WDR25: variants seen among roughly 807,000 people sequenced by gnomAD.
WDR25 encodes the protein WD repeat-containing protein 25.
WDR25 carries 35 observed loss-of-function variants against 47.7 expected under a neutral mutation model. The observed-to-expected ratio is 0.73, with a 90% CI of 0.56 to 0.97. WDR25 has a LOEUF of 0.97. WDR25 is among the 50% of genes least tolerant of loss of function. The probability of loss-of-function intolerance (pLI) is 0.00; values close to 1 mark genes in which losing one functional copy is unlikely to be tolerated. For missense variants in WDR25, 634 were observed against 704.7 expected (o/e 0.90, Z 1.14); for synonymous variants, 248 against 278.9 (o/e 0.89, Z 1.10).
chr14:100,468,172 C>A lies in WDR25; in HGVS notation c.970+4C>A. On this transcript the variant is annotated splice_donor_region_variant and intron_variant, in intron 3 of 6. Transcript: ENST00000402312. The surrounding 1 kb of genome is among the most constrained non-coding windows in gnomAD (Gnocchi z 4.5). Reference sequence around the variant, plus strand: ...CACCTAACAGACCTTGAAACAGGTGCGTTTCTTGTGTCACCTCCCTGAGGT... The same window carrying A: ...CACCTAACAGACCTTGAAACAGGTGAGTTTCTTGTGTCACCTCCCTGAGGT... 1 of 1,610,030 alleles carries A rather than the reference C, an allele frequency of 6.2e-7. No individual in the cohort carries two copies. Among genetic ancestry groups the A allele is most frequent in the South Asian group, 1.1e-5 (1 of 90,826 alleles).
At position 100,381,153 on chromosome 14, in the gene WDR25, C is replaced by T. The variant is rs932959654; in HGVS notation, c.229C>T (p.Arg77Cys). The T allele has an allele frequency of 1.5e-5, 25 of 1,614,100 alleles. No individual in the cohort carries two copies. Among genetic ancestry groups the T allele is most frequent in the South Asian group, 3.3e-5 (3 of 91,092 alleles). ...HGSCEDPGGY[R>C]LPLAQLGRSD... is the part of the protein sequence containing the mutation. ...CTCCTGTGAAGACCCAGGGGGCTATCGCCTTCCATTGGCTCAGCTTGGGAG... is the reference window on the plus strand; with the variant it reads ...CTCCTGTGAAGACCCAGGGGGCTATTGCCTTCCATTGGCTCAGCTTGGGAG... Residue 77 changes from arginine (R) to cysteine (C), a missense_variant, in exon 2 of 7, where the codon CGC (arginine) becomes TGC (cysteine). By Grantham distance (180) the Arg-to-Cys change is radical. Transcript: ENST00000402312.
intron 2 of WDR25, among the ~76,000 whole-genome samples, chr14:100,419,407 C>T (rs1180385677): frequency 6.6e-6 from 1 of 151,978 alleles, no homozygotes; most frequent in Non-Finnish European, 1.5e-5. Flanking sequence ...TGTTGGAAAA[C>T]AGAAAAGGCT....
At chr14:100,427,277 C>T (rs1898196234) in intron 2 of WDR25, among the ~76,000 whole-genome samples, 1 of 152,138 alleles carries the variant, frequency 6.6e-6, no homozygotes, top group African/African-American at 2.4e-5. Flanking sequence ...GCCCTCCATG[C>T]CCCCCAGCTG....
At chr14:100,389,694 C>T (rs966056416) in intron 2 of WDR25, among the ~76,000 whole-genome samples, 7 of 152,216 alleles carry the variant, frequency 4.6e-5, no homozygotes, top group African/African-American at 7.2e-5. Context: ...TGATCTTCTA[C>T]GTGGAATACT....
Position 100,468,297 on chromosome 14 carries a change from T to G in WDR25, c.970+129T>G, listed in dbSNP as rs866576236. The G allele has an allele frequency of 1.8e-5, 24 of 1,369,712 alleles. No individual in the cohort carries two copies. The highest frequency in any genetic ancestry group is 4.9e-4 in the Middle Eastern group (2 of 4,062). The allele number at this position is 1,369,712 out of a possible 1,614,324, so 84.8% of individuals were successfully genotyped here. On this transcript the variant is annotated intron_variant, in intron 3 of 6. Transcript: ENST00000402312. The surrounding 1 kb of genome is among the most constrained non-coding windows in gnomAD (Gnocchi z 4.5). ...GAGGGAGAGGGGCCTCAGGGTGGGCTCGTGCTCGGTGAGAGGGCTTCCAGA... is the reference window on the plus strand; with the variant it reads ...GAGGGAGAGGGGCCTCAGGGTGGGCGCGTGCTCGGTGAGAGGGCTTCCAGA...
Position 100,530,167 on chromosome 14 carries a change from G to A in WDR25, c.*126G>A, listed in dbSNP as rs2030422187. Reference sequence around the variant, plus strand: ...CCTGGGTACCACCTTCTGAGCCTCAGTTTCCTCATCTGTAAAGTGGGGAGA... The same window carrying A: ...CCTGGGTACCACCTTCTGAGCCTCAATTTCCTCATCTGTAAAGTGGGGAGA... On this transcript the variant is annotated 3_prime_UTR_variant, in exon 7 of 7. Transcript: ENST00000402312. The A allele has an allele frequency of 1.1e-6, 1 of 945,700 alleles. No homozygotes were observed. Among genetic ancestry groups the A allele is most frequent in the Non-Finnish European group, 1.6e-6 (1 of 642,380 alleles). 58.6% of individuals were successfully genotyped at this position (945,700 alleles called of 1,614,324 possible). A position where few individuals can be genotyped will look rare whatever the true frequency, so the allele number is the denominator to read the frequency against.
chr14:100,465,032 T>C (rs1393423239), intron 2 of WDR25, among the ~76,000 whole-genome samples: 2 of 151,964 alleles, frequency 1.3e-5, no homozygotes, highest in Non-Finnish European at 2.9e-5. Flanking sequence ...GAAGAGCTGC[T>C]GCTTAGTGTT....
In WDR25 at chr14:100,429,815, C is replaced by T. The variant is rs111836163; in HGVS notation, c.823-38206C>T. 7.4e-3 allele frequency among the ~76,000 whole-genome samples: 1,082 copies of T among 146,988 alleles called. 20 individuals carry two copies. The highest frequency in any genetic ancestry group is 0.025 in the African/African-American group (1,022 of 40,396). On this transcript the variant is annotated intron_variant, in intron 2 of 6. Transcript: ENST00000402312. ...GTGTGTGCGTGCTGCTGGGGTGGGG[C>T]GGTGGGGGCAGGGAATTGGGGCAGG...
At chr14:100,477,096 C>T (rs1238187444) in intron 3 of WDR25, among the ~76,000 whole-genome samples, 4 of 152,150 alleles carry the variant, frequency 2.6e-5, no homozygotes, top group Non-Finnish European at 5.9e-5. Context: ...GCCCCGGCCA[C>T]ATGGTTGGTC....
chr14:100,457,742 C>T (rs186642744), intron 2 of WDR25, among the ~76,000 whole-genome samples: 200 of 152,194 alleles, frequency 1.3e-3, no homozygotes, highest in African/African-American at 4.5e-3. Context: ...AATAATGTGC[C>T]GTTTGTAACA....
At chr14:100,423,951 G>A (rs77101165) in intron 2 of WDR25, among the ~76,000 whole-genome samples, 2,498 of 152,284 alleles carry the variant, frequency 0.016, 184 homozygotes, top group Admixed American at 0.13. Flanking sequence ...GATGGGGCAC[G>A]GGCCACTCCA....
intron 2 of WDR25, among the ~76,000 whole-genome samples, chr14:100,393,343 A>T (rs1897184494): frequency 6.6e-6 from 1 of 152,192 alleles, no homozygotes; most frequent in Non-Finnish European, 1.5e-5. Context: ...ATTAAAACAG[A>T]TTTTCATTGT....
chr14:100,441,713 C>T (rs889292018), intron 2 of WDR25, among the ~76,000 whole-genome samples: 3 of 152,152 alleles, frequency 2.0e-5, no homozygotes, highest in Non-Finnish European at 4.4e-5. Context: ...ATCCTACTTT[C>T]GCTTCTGTCA....
At chr14:100,390,359 G>C (rs1490108203) in intron 2 of WDR25, among the ~76,000 whole-genome samples, 2 of 151,222 alleles carry the variant, frequency 1.3e-5, no homozygotes, top group African/African-American at 4.9e-5. Flanking sequence ...CAATTAGGGA[G>C]GGAGGACCTA....
At position 100,529,561 on chromosome 14, in the gene WDR25, G is replaced by C. The variant is rs2030373531; in HGVS notation, c.1414-259G>C. 2 of 595,116 alleles carry C rather than the reference G, an allele frequency of 3.4e-6. No homozygotes were observed. Among genetic ancestry groups the C allele is most frequent in the East Asian group, 2.8e-5 (1 of 35,326 alleles). 36.9% of individuals were successfully genotyped at this position (595,116 alleles called of 1,614,324 possible). On this transcript the variant is annotated intron_variant, in intron 6 of 6. Transcript: ENST00000402312. This position sits in a 1 kb window ranked among gnomAD's most constrained non-coding sequence, Gnocchi z 5.1. ...GGGTGGAAGGGGCTGGGTGCTTAGT[G>C]ACTGTCACTGAGGCCAGACCCCTCA... is the stretch of plus-strand genomic sequence containing the variant.
At chr14:100,437,451 G>T (rs1195728573) in intron 2 of WDR25, among the ~76,000 whole-genome samples, 8 of 152,018 alleles carry the variant, frequency 5.3e-5, no homozygotes. Flanking sequence ...GCCACCCGAA[G>T]CTGGGCTCAT....
intron 3 of WDR25, among the ~76,000 whole-genome samples, chr14:100,476,046 G>A (rs1034747625): frequency 1.3e-5 from 2 of 152,218 alleles, no homozygotes; most frequent in African/African-American, 4.8e-5. Flanking sequence ...TTATTACAAT[G>A]CTACAGCTAC....
intron 2 of WDR25, among the ~76,000 whole-genome samples, chr14:100,391,354 C>T (rs1349310412): frequency 6.6e-6 from 1 of 152,114 alleles, no homozygotes; most frequent in Non-Finnish European, 1.5e-5. Flanking sequence ...TGCCAGGGAT[C>T]GATGGGCATA....
At chr14:100,448,256 G>T (rs1389526233) in intron 2 of WDR25, among the ~76,000 whole-genome samples, 1 of 152,030 alleles carries the variant, frequency 6.6e-6, no homozygotes, top group African/African-American at 2.4e-5. Flanking sequence ...AAGAAAGCAG[G>T]ATGCCAGATT....
Sources: gnomAD v4.1 joint callset for allele counts (sites outside exome capture counted in the v4.1 genomes callset) on GRCh38, gnomAD v4.1.1 for gene constraint, Gnocchi (gnomAD v3.1) non-coding constraint, MANE v1.5 for transcripts, NCBI Gene and HGNC (gene_info 2026-07-23, HGNC 2026-07-21) for gene names.